PDLIM5: variants seen among roughly 807,000 people sequenced by gnomAD.
The protein encoded by PDLIM5 is PDZ and LIM domain protein 5.
In PDLIM5, 34 loss-of-function variants were observed where a neutral mutation model predicts 64.2. That is an observed-to-expected ratio of 0.53 (90% confidence interval 0.40 to 0.71). The LOEUF is 0.71. PDLIM5 is among the 30% of genes least tolerant of loss of function. The pLI is 0.00. For synonymous variants in PDLIM5, 253 were observed against 269.1 expected, an observed-to-expected ratio of 0.94 and a Z score of 0.59; for missense variants, 683 against 733.6, an observed-to-expected ratio of 0.93 and a Z score of 0.80.
chr4:94,551,073 C>T (rs1371387191), intron 3 of PDLIM5, among the ~76,000 whole-genome samples: 1 of 151,916 alleles, frequency 6.6e-6, no homozygotes, highest in Non-Finnish European at 1.5e-5. Flanking sequence ...GAAAGGATAC[C>T]CAATTATGTA....
intron 3 of PDLIM5, among the ~76,000 whole-genome samples, chr4:94,528,536 C>T (rs887164596): frequency 1.9e-4 from 29 of 152,240 alleles, no homozygotes; most frequent in African/African-American, 6.5e-4. Context: ...TATTTGATAG[C>T]ATCTTGTATA....
chr4:94,508,675 A>G (rs1728607015), intron 2 of PDLIM5, among the ~76,000 whole-genome samples: 1 of 152,208 alleles, frequency 6.6e-6, no homozygotes, highest in African/African-American at 2.4e-5. Context: ...TAATATATAC[A>G]ATCTGTTATA....
intron 2 of PDLIM5, among the ~76,000 whole-genome samples, chr4:94,479,055 G>A (rs1448294718): frequency 1.3e-5 from 2 of 150,510 alleles, no homozygotes; most frequent in Non-Finnish European, 3.0e-5. Flanking sequence ...ATGTGCCACC[G>A]GGGCTGGATA....
chr4:94,464,492 A>G (rs766249965), intron 2 of PDLIM5, among the ~76,000 whole-genome samples: 2 of 152,190 alleles, frequency 1.3e-5, no homozygotes, highest in Non-Finnish European at 2.9e-5. Context: ...AGAGCAGACT[A>G]TGTTCTGAAA....
intron 8 of PDLIM5, among the ~76,000 whole-genome samples, chr4:94,623,521 A>G (rs1218886900): frequency 6.6e-6 from 1 of 152,146 alleles, no homozygotes; most frequent in Non-Finnish European, 1.5e-5. Context: ...TGTCTTTGTT[A>G]TAGCATTCAT....
At chr4:94,624,871 A>G (rs531452306) in intron 8 of PDLIM5, among the ~76,000 whole-genome samples, 1 of 152,246 alleles carries the variant, frequency 6.6e-6, no homozygotes, top group Non-Finnish European at 1.5e-5. Context: ...CTATTAAAAC[A>G]TTTATAAGCC....
intron 2 of PDLIM5, among the ~76,000 whole-genome samples, chr4:94,509,301 C>T (rs1728661987): frequency 6.6e-6 from 1 of 152,130 alleles, no homozygotes; most frequent in African/African-American, 2.4e-5. Flanking sequence ...CTTAAAATAG[C>T]ATTTCTTGGC....
intron 7 of PDLIM5, among the ~76,000 whole-genome samples, chr4:94,612,014 G>A (rs111968762): frequency 0.064 from 9,702 of 152,120 alleles, 1,068 homozygotes; most frequent in African/African-American, 0.22. Context: ...TCAGGAGTTC[G>A]AGACCAGCCT....
intron 2 of PDLIM5, among the ~76,000 whole-genome samples, chr4:94,504,642 G>T (rs1578267434): frequency 6.6e-6 from 1 of 152,108 alleles, no homozygotes; most frequent in Admixed American, 6.6e-5. Context: ...GTGTAATGGT[G>T]CTCTTGTGTC....
chr4:94,574,408 G>A (rs978330464), intron 4 of PDLIM5, among the ~76,000 whole-genome samples: 10 of 147,926 alleles, frequency 6.8e-5, no homozygotes, highest in African/African-American at 2.5e-4. Flanking sequence ...TGAGGTGGGA[G>A]AATCACTTGA....
chr4:94,610,316 C>CA, intron 7 of PDLIM5: 1 of 1,485,800 alleles, frequency 6.7e-7, no homozygotes, highest in Non-Finnish European at 8.9e-7. Context: ...TAGAACTACA[C>CA]GTACAGCGTC....
intron 8 of PDLIM5, among the ~76,000 whole-genome samples, chr4:94,628,155 GTT>G (rs1196449650): frequency 6.6e-6 from 1 of 152,104 alleles, no homozygotes; most frequent in Admixed American, 6.5e-5. Context: ...TATTATTGCT[GTT>G]TTACAGATGA....
intron 9 of PDLIM5, among the ~76,000 whole-genome samples, chr4:94,648,478 C>G (rs1741586602): frequency 6.6e-6 from 1 of 152,200 alleles, no homozygotes; most frequent in South Asian, 2.1e-4. Flanking sequence ...CACCACCATG[C>G]TCGGCTAATT....
Position 94,665,924 on chromosome 4 carries a change from A to T in PDLIM5, c.*1857A>T. 1 of 1,503,384 alleles carries T rather than the reference A, an allele frequency of 6.7e-7. No individual in the cohort carries two copies. Among genetic ancestry groups the T allele is most frequent in the Non-Finnish European group, 8.8e-7 (1 of 1,133,630 alleles). 93.1% of individuals were successfully genotyped at this position (1,503,384 alleles called of 1,614,324 possible). A position where few individuals can be genotyped will look rare whatever the true frequency, so the allele number is the denominator to read the frequency against. ...AAAGAATTATGTAGATACCACATGG[A>T]GACAGGGAAACAATTGTGGTAAAAC... On this transcript the variant is annotated 3_prime_UTR_variant, in exon 13 of 13. Coordinates refer to ENST00000317968, the MANE Select transcript of PDLIM5 (RefSeq NM_006457.5).
At chr4:94,479,341 T>TC (rs1194583659) in intron 2 of PDLIM5, among the ~76,000 whole-genome samples, 1 of 149,434 alleles carries the variant, frequency 6.7e-6, no homozygotes, top group Non-Finnish European at 1.5e-5. Flanking sequence ...TTTTTTTTTT[T>TC]TTTTTGAGAC....
Position 94,618,027 on chromosome 4 carries a change from A to G in PDLIM5, c.944A>G (p.Gln315Arg), listed in dbSNP as rs1297028877. The G allele has an allele frequency of 2.5e-6, 4 of 1,583,236 alleles. No homozygotes were observed. The highest frequency in any genetic ancestry group is 3.4e-4 in the Middle Eastern group (2 of 5,928). Reference sequence around the variant, plus strand: ...AGTAACTCTCAGGAGCCTTCTCCGCAGTTGGCTTCCTCGGTAGCTTCCACA... The same window carrying G: ...AGTAACTCTCAGGAGCCTTCTCCGCGGTTGGCTTCCTCGGTAGCTTCCACA... ...KANNSQEPSPQLASSVASTRS... is the reference protein window; with the variant it reads ...KANNSQEPSPRLASSVASTRS... The change falls in exon 8 of 13, where the codon CAG (glutamine) becomes CGG (arginine). Residue 315 changes from glutamine (Q) to arginine (R), a missense_variant. Coordinates refer to ENST00000317968, the MANE Select transcript of PDLIM5 (RefSeq NM_006457.5).
At chr4:94,469,960 A>ATTTTTTTTTTTTTTTTTT (rs34572366) in intron 2 of PDLIM5, among the ~76,000 whole-genome samples, 8 of 71,568 alleles carry the variant, frequency 1.1e-4, no homozygotes, top group African/African-American at 4.3e-4. Context: ...CATTCTTTTA[A>ATTTTTTTTTTTTTTTTTT]TTTTTTTTTT....
intron 2 of PDLIM5, among the ~76,000 whole-genome samples, chr4:94,479,317 G>C (rs539407126): frequency 1.5e-5 from 2 of 135,422 alleles, no homozygotes; most frequent in Admixed American, 8.5e-5. Context: ...TTTTTATAAG[G>C]AGAGCTTTGA....
In PDLIM5 at chr4:94,656,462, C is replaced by T. The variant is rs192887900; in HGVS notation, c.1465-965C>T. ...GAATATGGTCCAAATTTTACACATT[C>T]GAGTCTGTGCTTAGTGCCATCTTAG... On this transcript the variant is annotated intron_variant, in intron 10 of 12. Coordinates refer to ENST00000317968, the MANE Select transcript of PDLIM5 (RefSeq NM_006457.5). Among the ~76,000 whole-genome samples the T allele has an allele frequency of 2.2e-3, 341 of 151,848 alleles. 2 individuals are homozygous for T. Among genetic ancestry groups the T allele is most frequent in the African/African-American group, 7.9e-3 (326 of 41,438 alleles).
Sources: allele counts gnomAD v4.1 joint callset (sites outside exome capture counted in the v4.1 genomes callset), GRCh38; gene constraint gnomAD v4.1.1; transcripts MANE v1.5; gene names NCBI Gene and HGNC (gene_info 2026-07-23, HGNC 2026-07-21).